The following FARP1 variants were observed in gnomAD, a reference collection of about 807,000 sequenced individuals.
FARP1 encodes the protein FERM, ARHGEF and pleckstrin domain-containing protein 1.
A neutral mutation model predicts 128.8 loss-of-function variants in FARP1; 52 were observed. That is an observed-to-expected ratio of 0.40 (90% CI 0.32 to 0.51). FARP1 has a LOEUF of 0.51. Among genes scored for constraint, FARP1 ranks in the 20% least tolerant of loss-of-function variants. The pLI is 0.45. For missense variants in FARP1, 1,333 were observed against 1,367.9 expected, an observed-to-expected ratio of 0.97 and a Z score of 0.40; for synonymous variants, 580 against 551.8, an observed-to-expected ratio of 1.05 and a Z score of -0.72.
At chr13:98,164,397 T>A (rs1325534874) in intron 1 of FARP1, among the ~76,000 whole-genome samples, 1 of 152,248 alleles carries the variant, frequency 6.6e-6, no homozygotes, top group African/African-American at 2.4e-5. Context: ...CTAGGACATT[T>A]TAGTTCTAGT....
intron 6 of FARP1, among the ~76,000 whole-genome samples, chr13:98,378,952 A>T (rs1889721764): frequency 9.0e-6 from 1 of 110,952 alleles, no homozygotes; most frequent in Non-Finnish European, 1.7e-5. Context: ...TATATAATAT[A>T]TATATAATAT....
intron 1 of FARP1, among the ~76,000 whole-genome samples, chr13:98,172,158 C>A (rs1039641959): frequency 6.6e-6 from 1 of 151,794 alleles, no homozygotes; most frequent in African/African-American, 2.4e-5. Flanking sequence ...TATGAGAATT[C>A]TAGTTCTGAT....
At chr13:98,363,744 ATTTC>A (rs1475654819) in intron 3 of FARP1, among the ~76,000 whole-genome samples, 1 of 151,728 alleles carries the variant, frequency 6.6e-6, no homozygotes, top group African/African-American at 2.4e-5. Flanking sequence ...GAATTTATTT[ATTTC>A]TTTCTTTTTT....
At chr13:98,177,074 T>A (rs1878124292) in intron 1 of FARP1, 1 of 1,597,354 alleles carries the variant, frequency 6.3e-7, no homozygotes, top group African/African-American at 1.3e-5. Flanking sequence ...TGAGCCACTG[T>A]GTCGCCCTCG....
chr13:98,179,853 T>C (rs1878380946), intron 1 of FARP1, among the ~76,000 whole-genome samples: 1 of 147,184 alleles, frequency 6.8e-6, no homozygotes, highest in Non-Finnish European at 1.5e-5. Flanking sequence ...CAAGACTCCA[T>C]CTCAAAAAAA....
At chr13:98,305,766 C>A (rs1203317166) in intron 2 of FARP1, among the ~76,000 whole-genome samples, 2 of 152,230 alleles carry the variant, frequency 1.3e-5, no homozygotes, top group African/African-American at 4.8e-5. Flanking sequence ...TAGAGTCTCT[C>A]AAAGGGCCAG....
Position 98,176,487 on chromosome 13 carries a change from C to T in FARP1, c.-24+32995C>T. 1 of 1,614,198 alleles carries T rather than the reference C, an allele frequency of 6.2e-7. No individual in the cohort carries two copies. Among genetic ancestry groups the T allele is most frequent in the Non-Finnish European group, 8.5e-7 (1 of 1,180,026 alleles). ...ATATGAAACACCTGAATGGTATTTC[C>T]TCTTCCTCGCTTCCCACTTCATGGT... On this transcript the variant is annotated intron_variant, in intron 1 of 26. Transcript: ENST00000319562. This position sits in a 1 kb window ranked among gnomAD's most constrained non-coding sequence, Gnocchi z 6.2.
chr13:98,372,431 T>C (rs1299599812), intron 5 of FARP1, among the ~76,000 whole-genome samples: 1 of 152,118 alleles, frequency 6.6e-6, no homozygotes, highest in Non-Finnish European at 1.5e-5. Flanking sequence ...TCACTTTCCT[T>C]GTGCCATGTT....
chr13:98,351,991 A>G (rs547362278), intron 3 of FARP1, among the ~76,000 whole-genome samples: 43 of 152,322 alleles, frequency 2.8e-4, no homozygotes, highest in African/African-American at 9.6e-4. Context: ...AAAAATACAT[A>G]GAAATAATAT....
At chr13:98,419,733 A>G (rs1891521922) in intron 16 of FARP1, among the ~76,000 whole-genome samples, 1 of 152,182 alleles carries the variant, frequency 6.6e-6, no homozygotes, top group Non-Finnish European at 1.5e-5. Flanking sequence ...TGGTGTTGCA[A>G]GTGAAGACTA....
chr13:98,394,881 C>CA (rs1890455457), intron 12 of FARP1, among the ~76,000 whole-genome samples: 1 of 152,206 alleles, frequency 6.6e-6, no homozygotes, highest in Non-Finnish European at 1.5e-5. Context: ...GCTGTGGTTG[C>CA]AGCACTGCAC....
intron 1 of FARP1, among the ~76,000 whole-genome samples, chr13:98,191,920 G>A (rs1471442212): frequency 6.6e-6 from 1 of 152,138 alleles, no homozygotes; most frequent in African/African-American, 2.4e-5. Context: ...TCCAGCCTGG[G>A]TGACAGAGCA....
intron 1 of FARP1, among the ~76,000 whole-genome samples, chr13:98,180,899 T>C (rs1435532207): frequency 2.6e-5 from 4 of 152,222 alleles, no homozygotes. Flanking sequence ...GCCTGCATAA[T>C]GATCAATTGT....
chr13:98,317,350 C>G (rs1224995391), intron 2 of FARP1, among the ~76,000 whole-genome samples: 1 of 152,198 alleles, frequency 6.6e-6, no homozygotes, highest in Non-Finnish European at 1.5e-5. Context: ...GCCATGAACT[C>G]CTGGGCTCAA....
rs1479488712 is a variant in FARP1, at chr13:98,409,480, C to T, written c.1557C>T (p.Asp519=). Reference sequence around the variant, plus strand: ...CCTTGATCAGCCCGCTGCTGAATGACCAGGCCTGCCCCCGGACGGACGATG... The same window carrying T: ...CCTTGATCAGCCCGCTGCTGAATGATCAGGCCTGCCCCCGGACGGACGATG... ...ASPLISPLLN[D]QACPRTDDED... The change falls in exon 14 of 27, where the codon GAC becomes GAT. Residue 519 remains aspartate (D), a synonymous_variant. Transcript: ENST00000319562. The T allele has an allele frequency of 9.3e-6, 15 of 1,613,850 alleles. No homozygotes were observed. The Admixed American group carries it at 2.3e-4, about 25-fold the overall frequency.
In FARP1 at chr13:98,449,407, G is replaced by A. The variant is rs1893073956; in HGVS notation, c.*1090G>A. The A allele has an allele frequency of 6.6e-6, 1 of 152,158 alleles. No individual in the cohort carries two copies. Among genetic ancestry groups the A allele is most frequent in the East Asian group, 1.9e-4 (1 of 5,206 alleles). The allele number at this position is 152,158 out of a possible 1,614,324, so 9.4% of individuals were successfully genotyped here. On this transcript the variant is annotated 3_prime_UTR_variant, in exon 27 of 27. Coordinates refer to ENST00000319562, the MANE Select transcript of FARP1 (RefSeq NM_005766.4). ...AGGGAACACGGTTTCCAGTGGCTTT[G>A]GCCCCTACTCGGGAAACGTCTGCCT...
chr13:98,254,014 A>G (rs1289290830), intron 2 of FARP1, among the ~76,000 whole-genome samples: 1 of 152,176 alleles, frequency 6.6e-6, no homozygotes, highest in Non-Finnish European at 1.5e-5. Context: ...CTTTGAAAAT[A>G]CCACTCTGTA....
chr13:98,236,889 G>A (rs1223729507), intron 2 of FARP1, among the ~76,000 whole-genome samples: 1 of 152,156 alleles, frequency 6.6e-6, no homozygotes, highest in East Asian at 1.9e-4. Context: ...CTACTCCGGA[G>A]GCTGAGGCAG....
intron 11 of FARP1, among the ~76,000 whole-genome samples, chr13:98,393,108 G>C (rs1257199049): frequency 6.6e-6 from 1 of 152,244 alleles, no homozygotes; most frequent in African/African-American, 2.4e-5. Flanking sequence ...AGAGATGAAA[G>C]AGACGTGTCA....
Sources: allele counts gnomAD v4.1 joint callset (sites outside exome capture counted in the v4.1 genomes callset), GRCh38; gene constraint gnomAD v4.1.1; non-coding constraint Gnocchi (gnomAD v3.1); transcripts MANE v1.5; gene names NCBI Gene and HGNC (gene_info 2026-07-23, HGNC 2026-07-21).